ADAM23: variants seen among roughly 807,000 people sequenced by gnomAD.
ADAM23 encodes the protein disintegrin and metalloproteinase domain-containing protein 23.
ADAM23 carries 33 observed loss-of-function variants against 120.1 expected under a neutral mutation model. That is an observed-to-expected ratio of 0.27 (90% CI 0.21 to 0.37). The LOEUF (loss-of-function observed/expected upper bound fraction) is 0.37. Ranked by LOEUF, ADAM23 falls within the 10% of genes least tolerant of loss-of-function variation. ADAM23 has a pLI of 1.00. For missense variants in ADAM23, 862 were observed against 1,058.2 expected (o/e 0.81, Z 2.57); for synonymous variants, 367 against 375.2 (o/e 0.98, Z 0.25).
At chr2:206,556,620 C>T (rs1038686283) in intron 9 of ADAM23, among the ~76,000 whole-genome samples, 3 of 152,126 alleles carry the variant, frequency 2.0e-5, no homozygotes, top group Non-Finnish European at 4.4e-5. Context: ...GCGTACTACT[C>T]CTTGCTAAAA....
intron 24 of ADAM23, among the ~76,000 whole-genome samples, chr2:206,601,237 T>C (rs1308325916): frequency 6.6e-6 from 1 of 152,214 alleles, no homozygotes; most frequent in Non-Finnish European, 1.5e-5. Flanking sequence ...TTTTCAGTGA[T>C]ATGTATGGGC....
rs368058165 is a variant in ADAM23, at chr2:206,542,112, C to G, written c.634C>G (p.Leu212Val). 7 of 1,614,178 alleles carry G rather than the reference C, an allele frequency of 4.3e-6. No homozygotes were observed. The South Asian group carries it at 6.6e-5, about 15-fold the overall frequency. ...IRGVKDSKVA[L>V]STCNGLHGMF... is the part of the protein sequence containing the mutation. Reference sequence around the variant, plus strand: ...AGGCGTCAAAGACTCCAAGGTGGCTCTGTCAACCTGCAATGGACTTCAGTA... The same window carrying G: ...AGGCGTCAAAGACTCCAAGGTGGCTGTGTCAACCTGCAATGGACTTCAGTA... Residue 212 changes from leucine (L) to valine (V), a missense_variant, in exon 5 of 26, where the codon CTG (leucine) becomes GTG (valine). Around this residue, in one of 4 missense-constraint regions of ADAM23, gnomAD observed 617 missense variants for 813.5 expected, o/e 0.76. Coordinates refer to ENST00000264377, the MANE Select transcript of ADAM23 (RefSeq NM_003812.4).
In ADAM23 at chr2:206,445,441, C is replaced by T. The variant is rs1210036726; in HGVS notation, c.349C>T (p.Leu117Phe). 9.3e-6 allele frequency: 15 copies of T among 1,614,000 alleles called. No individual in the cohort carries two copies. The highest frequency in any genetic ancestry group is 2.7e-5 in the African/African-American group (2 of 74,908). Residue 117 changes from leucine to phenylalanine, a missense_variant, in exon 2 of 26, where the codon CTC becomes TTC. By Grantham distance (22) the Leu-to-Phe change is conservative. Coordinates refer to ENST00000264377, the MANE Select transcript of ADAM23 (RefSeq NM_003812.4). ...MQKEITLPSR[L>F]IYYINQDSES... is the part of the protein sequence containing the mutation. ...GAAAGAAATCACACTGCCTTCAAGA[C>T]TCATATATTACATCAACCAAGACTC... is the stretch of plus-strand genomic sequence containing the variant.
Position 206,457,415 on chromosome 2 carries a change from C to CT in ADAM23, c.432+11897dup, listed in dbSNP as rs139894706. Among the ~76,000 whole-genome samples the CT allele has an allele frequency of 6.1e-3, 922 of 152,260 alleles. 13 individuals are homozygous for CT. The highest frequency in any genetic ancestry group is 0.021 in the African/African-American group (867 of 41,552). On this transcript the variant is annotated intron_variant, in intron 2 of 25. Transcript: ENST00000264377. ...TTTATAGACTTCCAGTCTCTTGTTT[C>CT]TTTTTTCACACATCTGTGGGTTGAA...
At chr2:206,530,691 T>C (rs545572885) in intron 3 of ADAM23, among the ~76,000 whole-genome samples, 194 bp from the exon 4 acceptor site, 96 of 144,180 alleles carry the variant, frequency 6.7e-4, no homozygotes, top group South Asian at 1.5e-3. Context: ...TTTTTTTTTT[T>C]CTGCAGATTG....
chr2:206,490,468 T>C (rs1048930966), intron 3 of ADAM23, among the ~76,000 whole-genome samples: 1 of 152,228 alleles, frequency 6.6e-6, no homozygotes, highest in African/African-American at 2.4e-5. Context: ...GAAATTGTGG[T>C]TTCTTTTGCA....
At chr2:206,449,204 A>T (rs949643340) in intron 2 of ADAM23, among the ~76,000 whole-genome samples, 1 of 152,210 alleles carries the variant, frequency 6.6e-6, no homozygotes, top group African/African-American at 2.4e-5. Context: ...GAGACTAGAG[A>T]AGGAAAAAAC....
intron 3 of ADAM23, among the ~76,000 whole-genome samples, chr2:206,518,219 T>C (rs78061596): frequency 7.1e-4 from 108 of 152,346 alleles, no homozygotes; most frequent in African/African-American, 2.4e-3. Context: ...AAGGAATGTG[T>C]GTGCTCATAA....
chr2:206,568,262 G>GC (rs1697928993), intron 15 of ADAM23, among the ~76,000 whole-genome samples: 1 of 152,094 alleles, frequency 6.6e-6, no homozygotes. Context: ...CCTGGAGAGG[G>GC]CCACATTGTC....
chr2:206,592,472 C>T (rs1321930533), intron 21 of ADAM23, 145 bp from the exon 22 acceptor site: 5 of 1,022,878 alleles, frequency 4.9e-6, no homozygotes, highest in Non-Finnish European at 5.6e-6. Context: ...GAGGTTATCA[C>T]CTACCAATGA....
intron 18 of ADAM23, among the ~76,000 whole-genome samples, chr2:206,576,412 G>A (rs936004792): frequency 6.6e-6 from 1 of 151,902 alleles, no homozygotes; most frequent in Non-Finnish European, 1.5e-5. Context: ...TATTGTCTAA[G>A]TAAAACATTT....
chr2:206,542,921 A>AT (rs1697321863), intron 5 of ADAM23, among the ~76,000 whole-genome samples: 1 of 152,206 alleles, frequency 6.6e-6, no homozygotes, highest in Non-Finnish European at 1.5e-5. Flanking sequence ...TTCTGGAATA[A>AT]TTACTTTAGA....
intron 18 of ADAM23, among the ~76,000 whole-genome samples, chr2:206,576,268 T>C (rs377466274): frequency 1.1e-4 from 9 of 80,608 alleles, no homozygotes; most frequent in African/African-American, 4.7e-4. Context: ...CCATATATGG[T>C]TTTAAAAACT....
chr2:206,460,485 G>A (rs1574479011), intron 2 of ADAM23, among the ~76,000 whole-genome samples: 1 of 152,254 alleles, frequency 6.6e-6, no homozygotes, highest in African/African-American at 2.4e-5. Context: ...GATTAGTGAT[G>A]TTGAACATCT....
intron 12 of ADAM23, among the ~76,000 whole-genome samples, chr2:206,561,870 C>T (rs991760968): frequency 2.0e-5 from 3 of 152,094 alleles, no homozygotes; most frequent in African/African-American, 7.2e-5. Context: ...ATCCCAGTTG[C>T]CCATTTAGTA....
intron 9 of ADAM23, among the ~76,000 whole-genome samples, chr2:206,551,431 C>T (rs1697522823): frequency 6.6e-6 from 1 of 152,074 alleles, no homozygotes; most frequent in Non-Finnish European, 1.5e-5. Context: ...GCAAAAAGTA[C>T]TTGTTTTATC....
intron 24 of ADAM23, among the ~76,000 whole-genome samples, chr2:206,597,585 A>C (rs1275894201): frequency 6.6e-6 from 1 of 152,200 alleles, no homozygotes; most frequent in Non-Finnish European, 1.5e-5. Flanking sequence ...CATCAGTCAC[A>C]AACAGGCCTA....
intron 4 of ADAM23, among the ~76,000 whole-genome samples, chr2:206,534,398 A>G (rs1215146877): frequency 1.3e-5 from 2 of 152,208 alleles, no homozygotes; most frequent in Admixed American, 6.5e-5. Flanking sequence ...TATTATTCAA[A>G]ACATCAGGTT....
chr2:206,536,344 C>T (rs1309376319), intron 4 of ADAM23, among the ~76,000 whole-genome samples: 2 of 145,858 alleles, frequency 1.4e-5, no homozygotes, highest in Non-Finnish European at 3.0e-5. Flanking sequence ...AAAGCAATTG[C>T]GGTGTTCGCC....
Sources: allele counts gnomAD v4.1 joint callset (sites outside exome capture counted in the v4.1 genomes callset), GRCh38; gene constraint gnomAD v4.1.1; regional missense constraint gnomAD v4.1.1; transcripts MANE v1.5; gene names NCBI Gene and HGNC (gene_info 2026-07-23, HGNC 2026-07-21).